OSBPL7: variants seen among roughly 807,000 people sequenced by gnomAD.
The protein encoded by OSBPL7 is oxysterol binding protein like 7.
In OSBPL7, 66 loss-of-function variants were observed where a neutral mutation model predicts 115.8. The observed-to-expected ratio is 0.57, with a 90% CI of 0.47 to 0.70. The LOEUF is 0.70. Ranked by LOEUF, OSBPL7 falls within the 30% of genes least tolerant of loss-of-function variation. The probability of loss-of-function intolerance (pLI) is 0.00; values close to 1 mark genes in which losing one functional copy is unlikely to be tolerated. For synonymous variants in OSBPL7, 441 were observed against 439.2 expected, an observed-to-expected ratio of 1.00 and a Z score of -0.05; for missense variants, 902 against 1,125.5, an observed-to-expected ratio of 0.80 and a Z score of 2.84.
chr17:47,817,815 G>A (rs1034625843), intron 7 of OSBPL7, among the ~76,000 whole-genome samples: 1 of 152,290 alleles, frequency 6.6e-6, no homozygotes, highest in East Asian at 1.9e-4. Context: ...GGGAGGGTCT[G>A]AAGCCTAATT....
In OSBPL7 at chr17:47,811,702, G is replaced by T. The variant is rs145304348; in HGVS notation, c.1738-867C>A. On this transcript the variant is annotated intron_variant, in intron 16 of 22. Transcript: ENST00000007414. ...CAGAACAGAAGTGGGTCAGGGGGGC[G>T]ATTCCTTCTGTCTGGCGGCAGTCAG... Among the ~76,000 whole-genome samples the T allele has an allele frequency of 3.2e-4, 48 of 152,302 alleles. No individual in the cohort carries two copies. The East Asian group carries it at 8.9e-3, about 28-fold the overall frequency.
In OSBPL7 at chr17:47,808,290, G is replaced by A. The variant is rs754609276; in HGVS notation, c.*1C>T. 1.2e-6 allele frequency: 2 copies of A among 1,607,718 alleles called. No individual in the cohort carries two copies. The highest frequency in any genetic ancestry group is 2.2e-5 in the South Asian group (2 of 90,940). ...AGAGCCTCCTGCCCCCGGGGCCAGG[G>A]CTACCAGAGCACGGCCCCATCCATG... On this transcript the variant is annotated 3_prime_UTR_variant, in exon 23 of 23. Coordinates refer to ENST00000007414, the MANE Select transcript of OSBPL7 (RefSeq NM_145798.3). The surrounding 1 kb of genome is among the most constrained non-coding windows in gnomAD (Gnocchi z 6.1).
rs749174963 is a variant in OSBPL7 at position 47,816,885 on chromosome 17, G to A, written c.703-13C>T. 1.2e-5 allele frequency: 20 copies of A among 1,613,348 alleles called. No homozygotes were observed. The South Asian group carries it at 2.0e-4, about 16-fold the overall frequency. The stretch of plus-strand genomic sequence containing the variant: ...TTGTCACTGAGGCCTGGCAAGTCAA[G>A]GTGGGGGCAATTTTACTCACAGGGT... On this transcript the variant is annotated splice_polypyrimidine_tract_variant and intron_variant, in intron 8 of 22. Coordinates refer to ENST00000007414, the MANE Select transcript of OSBPL7 (RefSeq NM_145798.3). This position sits in a 1 kb window ranked among gnomAD's most constrained non-coding sequence, Gnocchi z 5.8.
rs773244476 is a variant in OSBPL7, at chr17:47,818,578, C to A, written c.408G>T (p.Gln136His). 2.5e-6 allele frequency: 4 copies of A among 1,612,974 alleles called. No individual in the cohort carries two copies. The highest frequency in any genetic ancestry group is 3.3e-5 in the Admixed American group (2 of 59,904). ...SQDLFQSWVA[Q>H]LRAHRLAHRL... ...GGTGGGCTAGGCGGTGGGCACGCAGCTGCGCCACCCAGCTCTGGAATAGGT... is the reference window on the plus strand; with the variant it reads ...GGTGGGCTAGGCGGTGGGCACGCAGATGCGCCACCCAGCTCTGGAATAGGT... The change falls in exon 6 of 23, where the codon CAG (glutamine) becomes CAT (histidine). Residue 136 changes from glutamine to histidine, a missense_variant. This residue lies in a region of OSBPL7 where 667 missense variants were observed against 788.7 expected (regional missense o/e 0.85). Transcript: ENST00000007414.
chr17:47,818,567 T>C lies in OSBPL7; in HGVS notation c.419A>G (p.His140Arg). The C allele has an allele frequency of 6.2e-7, 1 of 1,612,556 alleles. No homozygotes were observed. The highest frequency in any genetic ancestry group is 8.5e-7 in the Non-Finnish European group (1 of 1,179,384). ...FQSWVAQLRA[H>R]RLAHRLDMPR... ...CATGTCCAGGCGGTGGGCTAGGCGG[T>C]GGGCACGCAGCTGCGCCACCCAGCT... The change falls in exon 6 of 23, where the codon CAC (histidine) becomes CGC (arginine). Residue 140 changes from histidine (H) to arginine (R), a missense_variant. His to Arg is a conservative substitution (Grantham distance 29). Coordinates refer to ENST00000007414, the MANE Select transcript of OSBPL7 (RefSeq NM_145798.3).
intron 12 of OSBPL7, 150 bp downstream of exon 12, chr17:47,815,957 C>T (rs2033200600): frequency 6.4e-6 from 4 of 628,416 alleles, no homozygotes; most frequent in Non-Finnish European, 8.3e-6. Context: ...ATGGGGCTGC[C>T]GCTTACCTTA....
At chr17:47,812,637 CG>C (rs1169620602) in intron 16 of OSBPL7, among the ~76,000 whole-genome samples, 1 of 152,218 alleles carries the variant, frequency 6.6e-6, no homozygotes, top group African/African-American at 2.4e-5. Context: ...AGCCCCTGTC[CG>C]GGGCAGCACA....
In OSBPL7 at chr17:47,818,989, G is replaced by T; in HGVS notation, c.366C>A (p.Leu122=). 1 of 1,613,670 alleles carries T rather than the reference G, an allele frequency of 6.2e-7. No homozygotes were observed. The highest frequency in any genetic ancestry group is 1.1e-5 in the South Asian group (1 of 91,060). The change falls in exon 5 of 23, where the codon CTC becomes CTA. Residue 122 remains leucine (L), a synonymous_variant. Transcript: ENST00000007414. The part of the protein sequence containing the change: ...DLDTEDNIYH[L]KIKSQDLFQS... Reference sequence around the variant, plus strand: ...TCCTGCCTCCCAGGGATGTCACCTTGAGGTGGTAGATGTTGTCTTCAGTGT... The same window carrying T: ...TCCTGCCTCCCAGGGATGTCACCTTTAGGTGGTAGATGTTGTCTTCAGTGT...
At chr17:47,812,481 CAT>C (rs2033075335) in intron 16 of OSBPL7, among the ~76,000 whole-genome samples, 1 of 151,380 alleles carries the variant, frequency 6.6e-6, no homozygotes, top group East Asian at 2.0e-4. Flanking sequence ...GTCGAGCCCA[CAT>C]AGTGTGTTCC....
At chr17:47,811,955 G>A (rs1445889925) in intron 16 of OSBPL7, among the ~76,000 whole-genome samples, 1 of 152,190 alleles carries the variant, frequency 6.6e-6, no homozygotes, top group Non-Finnish European at 1.5e-5. Context: ...TCGGAGTGTT[G>A]GGATGGGAGG....
chr17:47,809,375 T>G lies in OSBPL7; in HGVS notation c.1984A>C (p.Thr662Pro). The G allele has an allele frequency of 1.9e-6, 3 of 1,614,176 alleles. No individual in the cohort carries two copies. Among genetic ancestry groups the G allele is most frequent in the Non-Finnish European group, 2.5e-6 (3 of 1,180,026 alleles). The change falls in exon 19 of 23, where the codon ACA (threonine) becomes CCA (proline). Residue 662 changes from threonine (T) to proline (P), a missense_variant. By Grantham distance (38) the Thr-to-Pro change is conservative (BLOSUM62 -1). This residue lies in a region of OSBPL7 where 230 missense variants were observed against 312.7 expected (regional missense o/e 0.74). Transcript: ENST00000007414. ...TTGCAGTGGCAGGAGCTGTCCTGTGTGTTTCGGATGAGCACCTCCCCATAG... is the reference window on the plus strand; with the variant it reads ...TTGCAGTGGCAGGAGCTGTCCTGTGGGTTTCGGATGAGCACCTCCCCATAG... The part of the protein sequence containing the change: ...EHYGEVLIRN[T>P]QDSSCHCKIT...
Position 47,816,492 on chromosome 17 carries a change from G to C in OSBPL7, c.929-10C>G. Reference sequence around the variant, plus strand: ...CTGAGGGAGCTGTGCACTACAGGGAGTGGGGCAGACCATCAGAGTCCTCGC... The same window carrying C: ...CTGAGGGAGCTGTGCACTACAGGGACTGGGGCAGACCATCAGAGTCCTCGC... On this transcript the variant is annotated splice_polypyrimidine_tract_variant and intron_variant, in intron 10 of 22. Transcript: ENST00000007414. This position sits in a 1 kb window ranked among gnomAD's most constrained non-coding sequence, Gnocchi z 5.8. The C allele has an allele frequency of 6.4e-7, 1 of 1,551,194 alleles. No individual in the cohort carries two copies. Among genetic ancestry groups the C allele is most frequent in the Non-Finnish European group, 8.7e-7 (1 of 1,147,336 alleles).
Position 47,816,329 on chromosome 17 carries a change from G to T in OSBPL7, c.1023+59C>A. On this transcript the variant is annotated intron_variant, in intron 11 of 22. Coordinates refer to ENST00000007414, the MANE Select transcript of OSBPL7 (RefSeq NM_145798.3). The surrounding 1 kb of genome is among the most constrained non-coding windows in gnomAD (Gnocchi z 5.8). ...CAGATCTGCTATCGGACCCCAGGCT[G>T]GCAGTCCTCAGCTTGAAGCCCTCTC... 1 of 1,484,294 alleles carries T rather than the reference G, an allele frequency of 6.7e-7. No homozygotes were observed. Among genetic ancestry groups the T allele is most frequent in the South Asian group, 1.3e-5 (1 of 74,428 alleles). The allele number at this position is 1,484,294 out of a possible 1,614,324, so 91.9% of individuals were successfully genotyped here.
intron 14 of OSBPL7, 25 bp downstream of exon 14, chr17:47,814,496 C>T (rs2033149265): frequency 1.4e-6 from 2 of 1,423,648 alleles, no homozygotes; most frequent in South Asian, 2.3e-5. Context: ...TCCCACCCCT[C>T]CCTGCCTGCC....
intron 7 of OSBPL7, among the ~76,000 whole-genome samples, 181 bp downstream of exon 7, chr17:47,818,088 T>A (rs746510898): frequency 1.7e-4 from 26 of 152,212 alleles, no homozygotes; most frequent in Non-Finnish European, 3.2e-4. Context: ...GGCAGACTCT[T>A]ACTCCTCTGT....
rs774014223 is a variant in OSBPL7, at chr17:47,816,769, C to A, written c.795+11G>T. 6.2e-7 allele frequency: 1 copy of A among 1,614,134 alleles called. No homozygotes were observed. The highest frequency in any genetic ancestry group is 8.5e-7 in the Non-Finnish European group (1 of 1,180,000). ...CTGCCCCAGCTACGTGAGGTGCATGCCCGACCTCACCCGTCCAATGGTGTC... is the reference window on the plus strand; with the variant it reads ...CTGCCCCAGCTACGTGAGGTGCATGACCGACCTCACCCGTCCAATGGTGTC... On this transcript the variant is annotated intron_variant, in intron 9 of 22. Coordinates refer to ENST00000007414, the MANE Select transcript of OSBPL7 (RefSeq NM_145798.3). This position sits in a 1 kb window ranked among gnomAD's most constrained non-coding sequence, Gnocchi z 5.8.
chr17:47,808,189 A>G lies in OSBPL7; in HGVS notation c.*102T>C. 1 of 892,940 alleles carries G rather than the reference A, an allele frequency of 1.1e-6. No individual in the cohort carries two copies. Among genetic ancestry groups the G allele is most frequent in the Non-Finnish European group, 1.7e-6 (1 of 572,566 alleles). 55.3% of individuals were successfully genotyped at this position (892,940 alleles called of 1,614,324 possible). ...GGGCCAGGGCTGCCCCTTTGGTCTC[A>G]AGGGCAGTGAGGCGGGGAGCCCGGC... On this transcript the variant is annotated 3_prime_UTR_variant, in exon 23 of 23. Transcript: ENST00000007414. This position sits in a 1 kb window ranked among gnomAD's most constrained non-coding sequence, Gnocchi z 6.1.
chr17:47,815,498 G>T, intron 12 of OSBPL7, 146 bp from the exon 13 acceptor site: 1 of 983,158 alleles, frequency 1.0e-6, no homozygotes, highest in Non-Finnish European at 1.5e-6. Context: ...AGAAGAGGCA[G>T]AGAGGAGTGA....
Position 47,808,352 on chromosome 17 carries a change from G to A in OSBPL7, c.2468C>T (p.Thr823Ile). 1 of 1,614,150 alleles carries A rather than the reference G, an allele frequency of 6.2e-7. No individual in the cohort carries two copies. Among genetic ancestry groups the A allele is most frequent in the Non-Finnish European group, 8.5e-7 (1 of 1,180,002 alleles). Residue 823 changes from threonine to isoleucine, a missense_variant, in exon 23 of 23, where the codon ACC becomes ATC. By Grantham distance (89) the Thr-to-Ile change is moderately conservative (BLOSUM62 -1). Coordinates refer to ENST00000007414, the MANE Select transcript of OSBPL7 (RefSeq NM_145798.3). The surrounding 1 kb of genome is among the most constrained non-coding windows in gnomAD (Gnocchi z 6.1). ...TGGCTCGGCCCGCAGCCTCCAGTAG[G>A]TATTGTTGGTCACCCACCACTCTTT... is the stretch of plus-strand genomic sequence containing the variant. Reference protein sequence around the residue: ...SGKEWWVTNNTYWRLRAEPGY... With the variant: ...SGKEWWVTNNIYWRLRAEPGY...
Sources: allele counts gnomAD v4.1 joint callset (sites outside exome capture counted in the v4.1 genomes callset), GRCh38; gene constraint gnomAD v4.1.1; regional missense constraint gnomAD v4.1.1; non-coding constraint Gnocchi (gnomAD v3.1); transcripts MANE v1.5; gene names NCBI Gene and HGNC (gene_info 2026-07-23, HGNC 2026-07-21).